Variants in LCORL observed in about 807,000 individuals in gnomAD.
The protein encoded by LCORL is ligand dependent nuclear receptor corepressor like.
In LCORL, 41 loss-of-function variants were observed where a neutral mutation model predicts 141.8. The observed-to-expected ratio is 0.29, with a 90% CI of 0.23 to 0.38. The LOEUF (loss-of-function observed/expected upper bound fraction) is 0.38, where lower values mean the gene tolerates loss of function less well. LCORL is among the 10% of genes least tolerant of loss of function. The pLI, the probability that LCORL is intolerant of heterozygous loss-of-function variation, is 1.00. For synonymous variants in LCORL, 618 were observed against 694.1 expected (o/e 0.89, Z 1.72); for missense variants, 1,759 against 2,035.0 (o/e 0.86, Z 2.61).
chr4:17,855,981 C>A (rs1724318963), intron 7 of LCORL, among the ~76,000 whole-genome samples: 2 of 152,184 alleles, frequency 1.3e-5, no homozygotes, highest in Admixed American at 6.5e-5. Context: ...AAAAATAAGA[C>A]TTTACTCAAT....
At chr4:18,005,641 T>G (rs184472551) in intron 1 of LCORL, among the ~76,000 whole-genome samples, 38 of 152,348 alleles carry the variant, frequency 2.5e-4, no homozygotes, top group Non-Finnish European at 4.9e-4. Flanking sequence ...AACCTAATTC[T>G]TGACTTCTGT....
At chr4:17,852,265 A>G (rs1271268756) in intron 7 of LCORL, among the ~76,000 whole-genome samples, 1 of 149,978 alleles carries the variant, frequency 6.7e-6, no homozygotes, top group African/African-American at 2.4e-5. Flanking sequence ...AATAGTATGT[A>G]TACAGTGGTA....
intron 4 of LCORL, among the ~76,000 whole-genome samples, chr4:17,946,762 T>C (rs1738948227): frequency 6.6e-6 from 1 of 151,934 alleles, no homozygotes; most frequent in Admixed American, 6.6e-5. Flanking sequence ...CATACATCAT[T>C]GTGTATTAGG....
chr4:18,001,009 T>C (rs1276111752), intron 1 of LCORL, among the ~76,000 whole-genome samples: 1 of 152,076 alleles, frequency 6.6e-6, no homozygotes, highest in African/African-American at 2.4e-5. Context: ...TGTTTGAGAA[T>C]CCAAAAAGAG....
chr4:17,963,752 T>C (rs1303041877), intron 2 of LCORL, among the ~76,000 whole-genome samples: 1 of 151,978 alleles, frequency 6.6e-6, no homozygotes, highest in African/African-American at 2.4e-5. Flanking sequence ...ATAATAATAT[T>C]GTCATCCTAA....
At chr4:17,847,667 AATG>A (rs1488000414) in intron 7 of LCORL, among the ~76,000 whole-genome samples, 11 of 152,312 alleles carry the variant, frequency 7.2e-5, no homozygotes, top group African/African-American at 2.6e-4. Context: ...ACATATTAGA[AATG>A]ATAACTGAAT....
chr4:18,000,484 A>C (rs1447462080), intron 1 of LCORL, among the ~76,000 whole-genome samples: 1 of 152,220 alleles, frequency 6.6e-6, no homozygotes, highest in Non-Finnish European at 1.5e-5. Flanking sequence ...TGTAATGTCT[A>C]AGAATGTTCA....
chr4:17,920,268 G>A (rs531273220), intron 4 of LCORL, among the ~76,000 whole-genome samples: 1 of 152,288 alleles, frequency 6.6e-6, no homozygotes, highest in East Asian at 1.9e-4. Flanking sequence ...AACCATCCAG[G>A]CCTCTGGTCA....
Position 17,884,359 on chromosome 4 carries a change from C to G in LCORL, c.776+1709G>C. 1 of 1,547,104 alleles carries G rather than the reference C, an allele frequency of 6.5e-7. No individual in the cohort carries two copies. Among genetic ancestry groups the G allele is most frequent in the Non-Finnish European group, 8.7e-7 (1 of 1,145,454 alleles). Reference sequence around the variant, plus strand: ...CATTTTTTTCTTTAAACTGAGTGACCATTTTCTGTAGAGTTAGCTGATGGA... The same window carrying G: ...CATTTTTTTCTTTAAACTGAGTGACGATTTTCTGTAGAGTTAGCTGATGGA... On this transcript the variant is annotated intron_variant, in intron 6 of 7. Transcript: ENST00000635767. The surrounding 1 kb of genome is among the most constrained non-coding windows in gnomAD (Gnocchi z 4.4).
chr4:18,000,102 T>G (rs183929748), intron 1 of LCORL, among the ~76,000 whole-genome samples: 1 of 149,604 alleles, frequency 6.7e-6, no homozygotes, highest in Non-Finnish European at 1.5e-5. Flanking sequence ...AGTTTATTAC[T>G]CAATTTCCAT....
chr4:17,960,073 T>A (rs1034921970), intron 4 of LCORL, among the ~76,000 whole-genome samples: 1 of 152,068 alleles, frequency 6.6e-6, no homozygotes, highest in Non-Finnish European at 1.5e-5. Context: ...AAAGCCCAAG[T>A]AAACAAGCAG....
chr4:17,944,700 G>A (rs891490581), intron 4 of LCORL, among the ~76,000 whole-genome samples: 3 of 152,090 alleles, frequency 2.0e-5, no homozygotes, highest in Non-Finnish European at 4.4e-5. Context: ...CTTATTTTAT[G>A]AAGGATATAT....
chr4:17,934,444 T>A (rs1736533067), intron 4 of LCORL, among the ~76,000 whole-genome samples: 1 of 152,148 alleles, frequency 6.6e-6, no homozygotes, highest in African/African-American at 2.4e-5. Flanking sequence ...TTTGATTTCA[T>A]GTTTTTTCCT....
chr4:17,916,708 G>A lies in LCORL; in HGVS notation c.431-7363C>T, dbSNP rs573744333. ...CACCCAGGCTGGAGTGCAGAGGCAT[G>A]ATCTTGGCTCACTGCAACCTCCACC... On this transcript the variant is annotated intron_variant, in intron 4 of 7. Transcript: ENST00000635767. 1.6e-4 allele frequency among the ~76,000 whole-genome samples: 20 copies of A among 127,964 alleles called. No individual in the cohort carries two copies. In the South Asian group the frequency reaches 5.0e-3, roughly 32 times the overall value. The allele number at this position is 127,964 out of a possible 152,430, so 83.9% of individuals were successfully genotyped here.
chr4:17,962,675 A>T (rs1250862874), intron 3 of LCORL, among the ~76,000 whole-genome samples: 1 of 151,934 alleles, frequency 6.6e-6, no homozygotes, highest in Non-Finnish European at 1.5e-5. Flanking sequence ...ATCCCTCTAT[A>T]CCTAAATACA....
intron 4 of LCORL, among the ~76,000 whole-genome samples, chr4:17,921,495 G>GGCTACA (rs1355181972): frequency 6.6e-6 from 1 of 151,982 alleles, no homozygotes; most frequent in Non-Finnish European, 1.5e-5. Flanking sequence ...TTGATCCATG[G>GGCTACA]GCTACAGAAT....
At position 17,976,829 on chromosome 4, in the gene LCORL, T is replaced by C. The variant is rs568081714; in HGVS notation, c.155-3944A>G. ...ATAGTTGCTGGCAAGTTTACAATCT[T>C]TCTTTCCTCTGTTCCTCTGTACTTC... On this transcript the variant is annotated intron_variant, in intron 1 of 7. Transcript: ENST00000635767. Among the ~76,000 whole-genome samples the C allele has an allele frequency of 4.6e-5, 7 of 152,276 alleles. No homozygotes were observed. In the East Asian group the frequency reaches 1.4e-3, roughly 29 times the overall value.
At chr4:17,990,115 T>C (rs575272182) in intron 1 of LCORL, among the ~76,000 whole-genome samples, 3,471 of 149,498 alleles carry the variant, frequency 0.023, 108 homozygotes, top group East Asian at 0.12. Context: ...TTTTTTTTTT[T>C]TGAAATGGAG....
intron 7 of LCORL, among the ~76,000 whole-genome samples, chr4:17,857,781 T>C (rs1180234500): frequency 1.3e-5 from 2 of 152,256 alleles, no homozygotes; most frequent in Non-Finnish European, 2.9e-5. Context: ...AAATCATCCC[T>C]GGTTGTAAAC....
Sources: allele counts gnomAD v4.1 joint callset (sites outside exome capture counted in the v4.1 genomes callset), GRCh38; gene constraint gnomAD v4.1.1; non-coding constraint Gnocchi (gnomAD v3.1); transcripts MANE v1.5; gene names NCBI Gene and HGNC (gene_info 2026-07-23, HGNC 2026-07-21).